MXI1: variants seen among roughly 807,000 people sequenced by gnomAD.
MXI1 encodes MAX interactor 1, dimerization protein.
In MXI1, 18 loss-of-function variants were observed where a neutral mutation model predicts 36.9. The ratio of observed to expected loss-of-function variants is 0.49; its 90% CI spans 0.34 to 0.72. MXI1 has a LOEUF of 0.72. Among genes scored for constraint, MXI1 ranks in the 30% least tolerant of loss-of-function variants. The pLI is 0.01. For synonymous variants in MXI1, 160 were observed against 146.7 expected (o/e 1.09, Z -0.65); for missense variants, 304 against 379.1 (o/e 0.80, Z 1.64).
In MXI1 at chr10:110,279,302, T is replaced by A; in HGVS notation, c.552+8T>A. 1.2e-6 allele frequency: 2 copies of A among 1,610,378 alleles called. No individual in the cohort carries two copies. The highest frequency in any genetic ancestry group is 1.7e-6 in the Non-Finnish European group (2 of 1,176,776). ...GCCAAAGCACACATCAAGGTGAGAATTTTTACTTTCAGATTTGCACAATTC... is the reference window on the plus strand; with the variant it reads ...GCCAAAGCACACATCAAGGTGAGAAATTTTACTTTCAGATTTGCACAATTC... On this transcript the variant is annotated splice_region_variant and intron_variant, in intron 4 of 5. Transcript: ENST00000332674.
chr10:110,221,743 CTG>C (rs1315132709), intron 1 of MXI1, among the ~76,000 whole-genome samples: 1 of 152,228 alleles, frequency 6.6e-6, no homozygotes, highest in Non-Finnish European at 1.5e-5. Flanking sequence ...ACCAGTAAAA[CTG>C]GAGTTAAAAA....
At chr10:110,215,570 T>C (rs1433902339) in intron 1 of MXI1, among the ~76,000 whole-genome samples, 2 of 152,208 alleles carry the variant, frequency 1.3e-5, no homozygotes, top group African/African-American at 2.4e-5. Context: ...CCTGGGCATT[T>C]GTTTCACAGG....
rs868446580 is a variant in MXI1, at chr10:110,225,980, G to C, written c.275-2209G>C. ...GGCGCTGCTCCCGCCCCTCCCCCGT[G>C]CTCGCGGGGAGAGGTAAACAAACCA... is the stretch of plus-strand genomic sequence containing the variant. On this transcript the variant is annotated intron_variant, in intron 1 of 5. Transcript: ENST00000332674. 110 of 979,932 alleles carry C rather than the reference G, an allele frequency of 1.1e-4. 1 individual carries two copies. In the Middle Eastern group the frequency reaches 4.7e-3, roughly 42 times the overall value. The allele number at this position is 979,932 out of a possible 1,614,324, so 60.7% of individuals were successfully genotyped here. A position where few individuals can be genotyped will look rare whatever the true frequency, so the allele number is the denominator to read the frequency against.
chr10:110,257,108 C>T (rs2134420596), intron 3 of MXI1: 1 of 152,252 alleles, frequency 6.6e-6, no homozygotes. Context: ...GATATACGTT[C>T]TCTGGGTTTC....
At chr10:110,282,798 T>A (rs903572846) in intron 5 of MXI1, among the ~76,000 whole-genome samples, 30 of 152,188 alleles carry the variant, frequency 2.0e-4, no homozygotes, top group African/African-American at 6.5e-4. Flanking sequence ...TAAAGCAGTT[T>A]CTCATTTTAC....
intron 2 of MXI1, among the ~76,000 whole-genome samples, chr10:110,242,470 C>T (rs2134388077): frequency 6.6e-6 from 1 of 152,038 alleles, no homozygotes; most frequent in East Asian, 1.9e-4. Flanking sequence ...AAGAACATGG[C>T]AACATGGTAA....
chr10:110,244,886 C>T lies in MXI1; in HGVS notation c.437+29C>T, dbSNP rs746503390. 2.5e-6 allele frequency: 4 copies of T among 1,603,382 alleles called. No individual in the cohort carries two copies. In the African/African-American group the frequency reaches 5.4e-5, roughly 22 times the overall value. On this transcript the variant is annotated intron_variant, in intron 3 of 5. Transcript: ENST00000332674. ...AGTCAGTGATGAGGTACAGCTTTCA[C>T]TTACGTTTAAAAGCAAACTCACCAT...
chr10:110,274,184 C>T (rs1284847914), intron 3 of MXI1, among the ~76,000 whole-genome samples: 1 of 152,088 alleles, frequency 6.6e-6, no homozygotes, highest in Admixed American at 6.6e-5. Flanking sequence ...AAAATGATAC[C>T]AATCTACCAA....
At chr10:110,280,107 T>A in intron 5 of MXI1, 22 bp downstream of exon 5, 1 of 1,559,678 alleles carries the variant, frequency 6.4e-7, no homozygotes, top group Non-Finnish European at 8.7e-7. Context: ...GCCTCTTCTC[T>A]AATGAAATAC....
At chr10:110,270,640 T>C (rs1394417561) in intron 3 of MXI1, among the ~76,000 whole-genome samples, 2 of 152,354 alleles carry the variant, frequency 1.3e-5, no homozygotes, top group East Asian at 3.9e-4. Flanking sequence ...TTTTCTTCTT[T>C]GCATTGTGGA....
Position 110,207,886 on chromosome 10 carries a change from G to GC in MXI1, c.84dup (p.Ala29ArgfsTer66). The GC allele has an allele frequency of 7.5e-7, 1 of 1,334,654 alleles. No individual in the cohort carries two copies. Among genetic ancestry groups the GC allele is most frequent in the Non-Finnish European group, 9.7e-7 (1 of 1,035,902 alleles). The allele number at this position is 1,334,654 out of a possible 1,614,324, so 82.7% of individuals were successfully genotyped here. A position where few individuals can be genotyped will look rare whatever the true frequency, so the allele number is the denominator to read the frequency against. ...TGGCCCCCGCCGCGCCCCCGGCTGT[G>GC]CCCCCCGCCGTGGCCGCGCCCCAGC... On this transcript the variant is annotated frameshift_variant, in exon 1 of 6. Coordinates refer to ENST00000332674, the MANE Select transcript of MXI1 (RefSeq NM_130439.3). LOFTEE classifies it high-confidence loss of function.
At chr10:110,268,073 T>C (rs1377408583) in intron 3 of MXI1, among the ~76,000 whole-genome samples, 1 of 152,170 alleles carries the variant, frequency 6.6e-6, no homozygotes, top group Non-Finnish European at 1.5e-5. Flanking sequence ...GGTCAATATG[T>C]TCTTGCTGTT....
intron 2 of MXI1, among the ~76,000 whole-genome samples, chr10:110,240,011 T>C (rs918876751): frequency 6.6e-5 from 10 of 152,212 alleles, no homozygotes; most frequent in Middle Eastern, 3.4e-3. Context: ...AATGGAGTTA[T>C]GTAGTGTGTA....
chr10:110,248,343 A>T (rs989170512), intron 3 of MXI1, among the ~76,000 whole-genome samples: 2 of 146,112 alleles, frequency 1.4e-5, no homozygotes, highest in Non-Finnish European at 3.0e-5. Context: ...CTTAAAGTAT[A>T]AAAAAAAAAA....
rs562172995 is a variant in MXI1, at chr10:110,275,824, G to C, written c.438-3356G>C. ...ACTGTTCATCTTTCATATTAATACC[G>C]ATTTTGGAGGACTGTATTTACAAAA... On this transcript the variant is annotated intron_variant, in intron 3 of 5. Coordinates refer to ENST00000332674, the MANE Select transcript of MXI1 (RefSeq NM_130439.3). 1.7e-4 allele frequency among the ~76,000 whole-genome samples: 26 copies of C among 152,162 alleles called. No homozygotes were observed. In the South Asian group the frequency reaches 5.2e-3, roughly 30 times the overall value.
At chr10:110,264,490 C>T (rs11195051) in intron 3 of MXI1, among the ~76,000 whole-genome samples, 5,868 of 151,574 alleles carry the variant, frequency 0.039, 182 homozygotes, top group Non-Finnish European at 0.054. Context: ...CTCAGCCTCC[C>T]GAGTTGCTGG....
chr10:110,257,862 C>T (rs530693957), intron 3 of MXI1: 39 of 299,976 alleles, frequency 1.3e-4, no homozygotes, highest in African/African-American at 8.8e-4. Flanking sequence ...GTTTAAAAAA[C>T]AAACAAACAA....
rs60576710 is a variant in MXI1 at position 110,236,124 on chromosome 10, C to CTTTTTTTTT, written c.407+7834_407+7842dup. ...AGGGTGTGAAGTAAAGGTTGAAGTT[C>CTTTTTTTTT]TTTTTTTTTTTTTTTTTTTTTTTTT... On this transcript the variant is annotated intron_variant, in intron 2 of 5. Coordinates refer to ENST00000332674, the MANE Select transcript of MXI1 (RefSeq NM_130439.3). 4.2e-4 allele frequency among the ~76,000 whole-genome samples: 14 copies of CTTTTTTTTT among 33,576 alleles called. 6 individuals are homozygous for CTTTTTTTTT. Among genetic ancestry groups the CTTTTTTTTT allele is most frequent in the Non-Finnish European group, 6.7e-4 (12 of 17,976 alleles). The allele number at this position is 33,576 out of a possible 152,430, so 22.0% of individuals were successfully genotyped here.
rs1857416433 is a variant in MXI1, at chr10:110,285,885, G to C, written c.*898G>C. 1 of 152,452 alleles carries C rather than the reference G, an allele frequency of 6.6e-6. No homozygotes were observed. The highest frequency in any genetic ancestry group is 1.5e-5 in the Non-Finnish European group (1 of 68,024). 9.4% of individuals were successfully genotyped at this position (152,452 alleles called of 1,614,324 possible). A position where few individuals can be genotyped will look rare whatever the true frequency, so the allele number is the denominator to read the frequency against. The stretch of plus-strand genomic sequence containing the variant: ...GAGCCACAGCAGCATTTTTATTTCA[G>C]ATTTTGATAACTGTTTATATGTGTT... On this transcript the variant is annotated 3_prime_UTR_variant, in exon 6 of 6. Coordinates refer to ENST00000332674, the MANE Select transcript of MXI1 (RefSeq NM_130439.3).
Sources: allele counts gnomAD v4.1 joint callset (sites outside exome capture counted in the v4.1 genomes callset), GRCh38; gene constraint gnomAD v4.1.1; transcripts MANE v1.5; gene names NCBI Gene and HGNC (gene_info 2026-07-23, HGNC 2026-07-21).